The following CDK14 variants were observed in gnomAD, a reference collection of about 807,000 sequenced individuals.
The protein encoded by CDK14 is cyclin-dependent kinase 14.
Under a neutral mutation model 60.7 loss-of-function variants are expected in CDK14, and 34 were observed. That is an observed-to-expected ratio of 0.56 (90% CI 0.43 to 0.75). CDK14 has a LOEUF of 0.75. Ranked by LOEUF, CDK14 falls within the 30% of genes least tolerant of loss-of-function variation. The pLI, the probability that CDK14 is intolerant of heterozygous loss-of-function variation, is 0.00. For synonymous variants in CDK14, 197 were observed against 203.7 expected (o/e 0.97, Z 0.28); for missense variants, 482 against 564.1 (o/e 0.85, Z 1.47).
intron 2 of CDK14, among the ~76,000 whole-genome samples, chr7:90,657,519 A>G (rs1800775309): frequency 6.6e-6 from 1 of 152,176 alleles, no homozygotes. Context: ...GATCTATATA[A>G]ATTAATCTTT....
At chr7:90,878,976 T>G (rs936310908) in intron 6 of CDK14, among the ~76,000 whole-genome samples, 1 of 152,228 alleles carries the variant, frequency 6.6e-6, no homozygotes, top group African/African-American at 2.4e-5. Context: ...AAGACCATAT[T>G]GCTATTCCCA....
Position 90,616,226 on chromosome 7 carries a change from ATTATT to A in CDK14, c.123+11982_123+11986del, listed in dbSNP as rs202119608. On this transcript the variant is annotated intron_variant, in intron 2 of 14. Coordinates refer to ENST00000380050, the MANE Select transcript of CDK14 (RefSeq NM_001287135.2). ...CTAACAAAGAAATGGATAAGTAAGC[ATTATT>A]TTATAACAGAGAAAAATGAGTGAGA... Among the ~76,000 whole-genome samples, 910 of 152,344 alleles carry A rather than the reference ATTATT, an allele frequency of 6.0e-3. 7 individuals are homozygous for A. Among genetic ancestry groups the A allele is most frequent in the African/African-American group, 0.019 (793 of 41,578 alleles).
At chr7:90,737,674 G>A (rs901689224) in intron 3 of CDK14, among the ~76,000 whole-genome samples, 6 of 152,182 alleles carry the variant, frequency 3.9e-5, no homozygotes, top group Non-Finnish European at 8.8e-5. Context: ...TCAATGCTGG[G>A]TGATAAAGCT....
intron 14 of CDK14, among the ~76,000 whole-genome samples, chr7:91,124,887 T>C (rs1361248690): frequency 6.6e-6 from 1 of 152,168 alleles, no homozygotes; most frequent in Non-Finnish European, 1.5e-5. Context: ...TTCCTTTTCA[T>C]TTAATGTTGA....
At chr7:91,021,632 A>G (rs377693083) in intron 10 of CDK14, among the ~76,000 whole-genome samples, 17 of 152,342 alleles carry the variant, frequency 1.1e-4, no homozygotes, top group African/African-American at 3.8e-4. Flanking sequence ...TAGATTTTGC[A>G]TTACAAAGAA....
At chr7:91,002,205 A>G (rs1243160886) in intron 10 of CDK14, among the ~76,000 whole-genome samples, 1 of 152,100 alleles carries the variant, frequency 6.6e-6, no homozygotes, top group Non-Finnish European at 1.5e-5. Flanking sequence ...TATCCCCCCA[A>G]CCTCCTTAGA....
At chr7:91,125,752 T>C (rs1287152155) in intron 14 of CDK14, among the ~76,000 whole-genome samples, 1 of 152,172 alleles carries the variant, frequency 6.6e-6, no homozygotes, top group Non-Finnish European at 1.5e-5. Context: ...ATGCTAAGCA[T>C]GGAATCAAAT....
At chr7:90,867,613 G>T (rs1419581852) in intron 6 of CDK14, among the ~76,000 whole-genome samples, 1 of 152,058 alleles carries the variant, frequency 6.6e-6, no homozygotes, top group Admixed American at 6.6e-5. Context: ...GATTACCAGG[G>T]AATAAGGAGG....
chr7:90,880,019 T>G (rs1156563237), intron 6 of CDK14, among the ~76,000 whole-genome samples: 3 of 152,206 alleles, frequency 2.0e-5, no homozygotes, highest in Non-Finnish European at 4.4e-5. Flanking sequence ...CACCAAACTC[T>G]GAAACAAGCA....
chr7:90,955,903 T>G, intron 9 of CDK14, 86 bp downstream of exon 9: 2 of 1,485,084 alleles, frequency 1.3e-6, no homozygotes, highest in Non-Finnish European at 9.2e-7. Context: ...ACAGTTTGAA[T>G]GAAGATTAAT....
intron 10 of CDK14, among the ~76,000 whole-genome samples, chr7:91,045,354 C>A (rs987596756): frequency 3.3e-5 from 5 of 152,134 alleles, no homozygotes; most frequent in Non-Finnish European, 5.9e-5. Context: ...GTAGAAAGAA[C>A]ATTATTTTGG....
chr7:90,961,843 C>T (rs1794613256), intron 9 of CDK14, among the ~76,000 whole-genome samples: 1 of 152,156 alleles, frequency 6.6e-6, no homozygotes, highest in South Asian at 2.1e-4. Flanking sequence ...TATTATTATA[C>T]CAGGACACCA....
chr7:91,178,901 G>A (rs998489267), intron 14 of CDK14, among the ~76,000 whole-genome samples: 20 of 152,134 alleles, frequency 1.3e-4, no homozygotes, highest in South Asian at 4.2e-4. Flanking sequence ...TCAGTGTGGC[G>A]ATTCCTCAGG....
At chr7:90,809,639 A>G (rs958682062) in intron 5 of CDK14, among the ~76,000 whole-genome samples, 1 of 152,226 alleles carries the variant, frequency 6.6e-6, no homozygotes, top group Non-Finnish European at 1.5e-5. Flanking sequence ...GAACTCAAGG[A>G]AATAGAGACA....
chr7:90,809,041 T>A (rs1165667505), intron 5 of CDK14, among the ~76,000 whole-genome samples: 1 of 152,166 alleles, frequency 6.6e-6, no homozygotes, highest in Non-Finnish European at 1.5e-5. Flanking sequence ...AACACCCCAC[T>A]GTCAGCATTA....
At chr7:91,099,709 A>G (rs903313039) in intron 12 of CDK14, among the ~76,000 whole-genome samples, 1 of 152,136 alleles carries the variant, frequency 6.6e-6, no homozygotes, top group East Asian at 1.9e-4. Flanking sequence ...GAAGTTGGAA[A>G]GGTTGTGAGT....
chr7:90,725,976 A>G (rs767852886), intron 2 of CDK14, among the ~76,000 whole-genome samples: 2 of 152,134 alleles, frequency 1.3e-5, no homozygotes, highest in Non-Finnish European at 2.9e-5. Context: ...TTAGCTTTGA[A>G]ATAAAGGAAA....
At chr7:91,155,689 T>A (rs1487393097) in intron 14 of CDK14, among the ~76,000 whole-genome samples, 1 of 152,200 alleles carries the variant, frequency 6.6e-6, no homozygotes, top group Non-Finnish European at 1.5e-5. Flanking sequence ...ATTGCAATGT[T>A]TTATACAATA....
chr7:90,923,689 C>T (rs1793323637), intron 8 of CDK14, among the ~76,000 whole-genome samples: 3 of 152,174 alleles, frequency 2.0e-5, no homozygotes, highest in South Asian at 2.1e-4. Context: ...CAAATTGCTA[C>T]GCATAGGACT....
Sources: allele counts gnomAD v4.1 joint callset (sites outside exome capture counted in the v4.1 genomes callset), GRCh38; gene constraint gnomAD v4.1.1; transcripts MANE v1.5; gene names NCBI Gene and HGNC (gene_info 2026-07-23, HGNC 2026-07-21).